XPO5: variants seen among roughly 807,000 people sequenced by gnomAD.
XPO5 encodes exportin 5.
XPO5 carries 46 observed loss-of-function variants against 160.6 expected under a neutral mutation model. That is an observed-to-expected ratio of 0.29 (90% CI 0.23 to 0.37). The LOEUF is 0.37. Among genes scored for constraint, XPO5 ranks in the 10% least tolerant of loss-of-function variants. The probability of loss-of-function intolerance (pLI) is 1.00; values close to 1 mark genes in which losing one functional copy is unlikely to be tolerated. For synonymous variants in XPO5, 537 were observed against 519.3 expected, an observed-to-expected ratio of 1.03 and a Z score of -0.46; for missense variants, 1,090 against 1,463.9, an observed-to-expected ratio of 0.74 and a Z score of 4.17.
intron 22 of XPO5, among the ~76,000 whole-genome samples, chr6:43,531,033 T>C (rs1450457947): frequency 6.6e-6 from 1 of 152,330 alleles, no homozygotes; most frequent in Non-Finnish European, 1.5e-5. Flanking sequence ...TACTATTTAA[T>C]GTGGACTTAC....
At chr6:43,539,806 T>A (rs1794590387) in intron 20 of XPO5, 1 of 550,004 alleles carries the variant, frequency 1.8e-6, no homozygotes, top group South Asian at 2.7e-5. Flanking sequence ...AACTCCCATG[T>A]AAAATCATTT....
At position 43,548,250 on chromosome 6, in the gene XPO5, A is replaced by T; in HGVS notation, c.2060+11T>A. On this transcript the variant is annotated intron_variant, in intron 18 of 31. Transcript: ENST00000265351. ...AGTATAGTAAGAGTCAGGGCAAGGG[A>T]TCTCCTTTACCTGTGCATGTCTTGA... 6.3e-7 allele frequency: 1 copy of T among 1,584,498 alleles called. No individual in the cohort carries two copies. Among genetic ancestry groups the T allele is most frequent in the South Asian group, 1.1e-5 (1 of 87,910 alleles).
chr6:43,534,771 G>T (rs1378617538), intron 20 of XPO5, among the ~76,000 whole-genome samples: 1 of 152,174 alleles, frequency 6.6e-6, no homozygotes, highest in Non-Finnish European at 1.5e-5. Context: ...GCCGAGGCTG[G>T]CGAATTACCT....
chr6:43,563,857 G>A (rs1433253157), intron 8 of XPO5, among the ~76,000 whole-genome samples: 1 of 152,126 alleles, frequency 6.6e-6, no homozygotes, highest in African/African-American at 2.4e-5. Context: ...GAGTGAATGT[G>A]GAAGCCTAGG....
At chr6:43,528,492 C>G (rs1379060135) in intron 24 of XPO5, among the ~76,000 whole-genome samples, 3 of 152,028 alleles carry the variant, frequency 2.0e-5, no homozygotes, top group African/African-American at 7.3e-5. Flanking sequence ...CTCCACCCAG[C>G]TGGTCCCCCT....
intron 6 of XPO5, among the ~76,000 whole-genome samples, chr6:43,568,305 TCAAAAACAAAAA>T (rs369040749): frequency 0.019 from 2,780 of 146,862 alleles, 35 homozygotes; most frequent in South Asian, 0.042. Flanking sequence ...AGACTCCGTC[TCAAAAACAAAAA>T]CAAAAACAAA....
At chr6:43,551,063 T>C (rs1795204501) in intron 15 of XPO5, 1 of 341,932 alleles carries the variant, frequency 2.9e-6, no homozygotes, top group African/African-American at 2.1e-5. Flanking sequence ...TGTTTATTAG[T>C]TTGCCTCACA....
intron 5 of XPO5, 52 bp downstream of exon 5, chr6:43,570,450 A>C: frequency 6.5e-7 from 1 of 1,533,996 alleles, no homozygotes; most frequent in Non-Finnish European, 8.8e-7. Context: ...AAGATTAATC[A>C]AAAACACTCA....
chr6:43,525,905 G>A lies in XPO5; in HGVS notation c.3000C>T (p.Ala1000=). 2 of 1,613,938 alleles carry A rather than the reference G, an allele frequency of 1.2e-6. No individual in the cohort carries two copies. The highest frequency in any genetic ancestry group is 1.7e-6 in the Non-Finnish European group (2 of 1,179,870). Reference sequence around the variant, plus strand: ...CCATAGCTGAGGGGGTGACCTCTGTGGCCATCATTTCTTCATCTGTTATCA... The same window carrying A: ...CCATAGCTGAGGGGGTGACCTCTGTAGCCATCATTTCTTCATCTGTTATCA... ...PADGDDEEMM[A]TEVTPSAMAE... is the part of the protein sequence containing the mutation. Residue 1000 remains alanine (A), a synonymous_variant, in exon 28 of 32, where the codon GCC becomes GCT. Transcript: ENST00000265351.
chr6:43,562,112 T>A, intron 9 of XPO5, 135 bp downstream of exon 9: 2 of 592,536 alleles, frequency 3.4e-6, no homozygotes, highest in South Asian at 4.7e-5. Flanking sequence ...ATCTATAGAA[T>A]CATGCAATAA....
chr6:43,532,706 T>G (rs755491060), intron 21 of XPO5, among the ~76,000 whole-genome samples: 8 of 152,212 alleles, frequency 5.3e-5, no homozygotes, highest in Non-Finnish European at 1.0e-4. Context: ...CCTTCTGACT[T>G]CCCTCTGAGA....
At chr6:43,547,729 A>G (rs1795030082) in intron 18 of XPO5, 22 bp from the exon 19 acceptor site, 1 of 1,603,606 alleles carries the variant, frequency 6.2e-7, no homozygotes, top group Non-Finnish European at 8.5e-7. Flanking sequence ...AGGGGGAAAA[A>G]CAAGTTACAT....
rs899953756 is a variant in XPO5, at chr6:43,522,591, G to A, written c.*1277C>T. The A allele has an allele frequency of 2.6e-5, 9 of 342,210 alleles. No individual in the cohort carries two copies. Among genetic ancestry groups the A allele is most frequent in the Admixed American group, 1.3e-4 (4 of 30,390 alleles). 21.2% of individuals were successfully genotyped at this position (342,210 alleles called of 1,614,324 possible). On this transcript the variant is annotated 3_prime_UTR_variant, in exon 32 of 32. Coordinates refer to ENST00000265351, the MANE Select transcript of XPO5 (RefSeq NM_020750.3). Reference sequence around the variant, plus strand: ...ACCCAGAGCACCACACAGGAAGAGGGAGCAACACAAGACTCCCAACTTCTG... The same window carrying A: ...ACCCAGAGCACCACACAGGAAGAGGAAGCAACACAAGACTCCCAACTTCTG...
chr6:43,552,104 G>T (rs1389990262), intron 14 of XPO5, among the ~76,000 whole-genome samples: 3 of 152,024 alleles, frequency 2.0e-5, no homozygotes, highest in Admixed American at 6.6e-5. Context: ...ACTCTTGGTT[G>T]CCCAGTGCAA....
Position 43,542,589 on chromosome 6 carries a change from G to T in XPO5, c.2342+3982C>A, listed in dbSNP as rs369528131. Among the ~76,000 whole-genome samples the T allele has an allele frequency of 1.1e-3, 160 of 151,748 alleles. 1 individual carries two copies. The highest frequency in any genetic ancestry group is 0.01 in the East Asian group (52 of 5,138). ...CATGCCCAGCTAATTTTTTTTGTTG[G>T]TGGTGGTGGTATTTTGAGTAGAGAC... On this transcript the variant is annotated intron_variant, in intron 20 of 31. Coordinates refer to ENST00000265351, the MANE Select transcript of XPO5 (RefSeq NM_020750.3).
At chr6:43,551,208 T>C in intron 15 of XPO5, 90 bp downstream of exon 15, 5 of 1,340,098 alleles carry the variant, frequency 3.7e-6, no homozygotes, top group Non-Finnish European at 4.9e-6. Context: ...CTGGGCAATG[T>C]AGCAAGATCC....
At chr6:43,567,810 C>T (rs1762770700) in intron 6 of XPO5, among the ~76,000 whole-genome samples, 1 of 151,836 alleles carries the variant, frequency 6.6e-6, no homozygotes, top group African/African-American at 2.4e-5. Flanking sequence ...TGATGGTGTG[C>T]ATCTATAGTC....
intron 5 of XPO5, among the ~76,000 whole-genome samples, chr6:43,569,036 T>TA (rs1762850084): frequency 1.3e-5 from 2 of 150,622 alleles, no homozygotes. Context: ...CTCACGCCTG[T>TA]AATCCCAGCA....
intron 1 of XPO5, among the ~76,000 whole-genome samples, chr6:43,574,222 G>A (rs1216415777): frequency 6.6e-6 from 1 of 151,902 alleles, no homozygotes; most frequent in Non-Finnish European, 1.5e-5. Flanking sequence ...AGAATCACTT[G>A]AGCTCGAGAA....
Sources: gnomAD v4.1 joint callset for allele counts (sites outside exome capture counted in the v4.1 genomes callset) on GRCh38, gnomAD v4.1.1 for gene constraint, MANE v1.5 for transcripts, NCBI Gene and HGNC (gene_info 2026-07-23, HGNC 2026-07-21) for gene names.